The following VTI1A variants were observed in gnomAD, a reference collection of about 807,000 sequenced individuals.
VTI1A encodes the protein vesicle transport through interaction with t-SNAREs homolog 1A.
Under a neutral mutation model 34.9 loss-of-function variants are expected in VTI1A, and 22 were observed. That is an observed-to-expected ratio of 0.63 (90% CI 0.45 to 0.90). VTI1A has a LOEUF of 0.90. Ranked by LOEUF, VTI1A falls within the 40% of genes least tolerant of loss-of-function variation. VTI1A has a pLI of 0.00. For synonymous variants in VTI1A, 87 were observed against 97.3 expected, an observed-to-expected ratio of 0.89 and a Z score of 0.62; for missense variants, 268 against 275.6, an observed-to-expected ratio of 0.97 and a Z score of 0.20.
chr10:112,486,226 G>T (rs543799538), intron 3 of VTI1A, among the ~76,000 whole-genome samples: 3 of 152,300 alleles, frequency 2.0e-5, no homozygotes, highest in Admixed American at 6.5e-5. Flanking sequence ...ACTGGAAAGA[G>T]CACTGAACTT....
chr10:112,572,249 C>T (rs1298435336), intron 5 of VTI1A, among the ~76,000 whole-genome samples: 1 of 152,200 alleles, frequency 6.6e-6, no homozygotes, highest in African/African-American at 2.4e-5. Flanking sequence ...CTCTCTATCC[C>T]TTCATCATCA....
intron 5 of VTI1A, among the ~76,000 whole-genome samples, chr10:112,593,671 A>G (rs1844487489): frequency 1.3e-5 from 2 of 152,234 alleles, no homozygotes; most frequent in African/African-American, 2.4e-5. Context: ...ACCAGGCGTC[A>G]TAGGCTAGCA....
Position 112,618,524 on chromosome 10 carries a change from T to TAGAGAGAGAGAGAGAGAG in VTI1A, c.428-49687_428-49670dup, listed in dbSNP as rs6144094. ...ATATATATATATATATATATATATA[T>TAGAGAGAGAGAGAGAGAG]AGAGAGAGAGAGAGAGAGAGAGAGT... is the stretch of plus-strand genomic sequence containing the variant. On this transcript the variant is annotated intron_variant, in intron 5 of 7. Transcript: ENST00000393077. 4.8e-3 allele frequency among the ~76,000 whole-genome samples: 166 copies of TAGAGAGAGAGAGAGAGAG among 34,546 alleles called. 6 individuals are homozygous for TAGAGAGAGAGAGAGAGAG. The highest frequency in any genetic ancestry group is 0.011 in the African/African-American group (70 of 6,140). The allele number at this position is 34,546 out of a possible 152,430, so 22.7% of individuals were successfully genotyped here.
chr10:112,750,797 C>T (rs1422083713), intron 7 of VTI1A, among the ~76,000 whole-genome samples: 1 of 152,110 alleles, frequency 6.6e-6, no homozygotes, highest in Non-Finnish European at 1.5e-5. Context: ...ATAATTTGTG[C>T]TTAGGAATGC....
intron 7 of VTI1A, among the ~76,000 whole-genome samples, chr10:112,686,343 A>C (rs1848412162): frequency 6.6e-6 from 1 of 152,170 alleles, no homozygotes; most frequent in South Asian, 2.1e-4. Flanking sequence ...TATTTTCTTC[A>C]TTCAAATGTA....
intron 5 of VTI1A, among the ~76,000 whole-genome samples, chr10:112,586,142 TC>T (rs1196795485): frequency 1.3e-5 from 2 of 151,236 alleles, no homozygotes; most frequent in African/African-American, 4.9e-5. Flanking sequence ...TTTTTTTTTT[TC>T]CTTCTAAATT....
chr10:112,814,811 C>T (rs1853451947), intron 7 of VTI1A, among the ~76,000 whole-genome samples: 1 of 152,142 alleles, frequency 6.6e-6, no homozygotes, highest in African/African-American at 2.4e-5. Context: ...TCCTTTTCTT[C>T]CTTAGTCTCT....
intron 7 of VTI1A, among the ~76,000 whole-genome samples, chr10:112,760,713 AC>A (rs1431919945): frequency 1.3e-5 from 2 of 152,032 alleles, no homozygotes; most frequent in Non-Finnish European, 2.9e-5. Context: ...ACATGGTGAA[AC>A]CCCATCTCTA....
chr10:112,486,938 A>G (rs1191268487), intron 3 of VTI1A, among the ~76,000 whole-genome samples: 2 of 151,902 alleles, frequency 1.3e-5, no homozygotes, highest in Admixed American at 6.6e-5. Context: ...TCTTTACCGC[A>G]GTGCATTGTG....
chr10:112,592,978 G>A (rs1383526108), intron 5 of VTI1A, among the ~76,000 whole-genome samples: 1 of 152,164 alleles, frequency 6.6e-6, no homozygotes, highest in African/African-American at 2.4e-5. Context: ...AGAAGGAAAG[G>A]AACAATTGAG....
chr10:112,479,929 A>G (rs562118879), intron 3 of VTI1A, among the ~76,000 whole-genome samples: 2 of 152,170 alleles, frequency 1.3e-5, no homozygotes, highest in African/African-American at 4.8e-5. Context: ...AGTTTATTTC[A>G]GTGGGATGAC....
Position 112,816,269 on chromosome 10 carries a change from G to C in VTI1A, c.*886G>C, listed in dbSNP as rs1355615069. On this transcript the variant is annotated 3_prime_UTR_variant, in exon 8 of 8. Coordinates refer to ENST00000393077, the MANE Select transcript of VTI1A (RefSeq NM_145206.4). ...CAAGGTTCTCTCCACATACATTCCA[G>C]TATGTAAAGAGACCATGAATATTTC... The C allele has an allele frequency of 1.9e-5, 4 of 214,962 alleles. No individual in the cohort carries two copies. Among genetic ancestry groups the C allele is most frequent in the Non-Finnish European group, 3.8e-5 (4 of 106,508 alleles). 13.3% of individuals were successfully genotyped at this position (214,962 alleles called of 1,614,324 possible). A position where few individuals can be genotyped will look rare whatever the true frequency, so the allele number is the denominator to read the frequency against.
At chr10:112,832,041 G>A in the VTI1A span, 1 of 152,142 alleles carries the variant, frequency 6.6e-6, no homozygotes, top group Admixed American at 6.6e-5. Context: ...ATTTAAGGAG[G>A]AGGAGAGAAA....
chr10:112,804,723 G>GAGTTCCAAAC (rs1853005406), intron 7 of VTI1A, among the ~76,000 whole-genome samples: 1 of 152,110 alleles, frequency 6.6e-6, no homozygotes, highest in Admixed American at 6.6e-5. Flanking sequence ...ATAGGGCAGG[G>GAGTTCCAAAC]ACTCTGTGTT....
intron 7 of VTI1A, among the ~76,000 whole-genome samples, chr10:112,709,556 G>T (rs989183057): frequency 1.3e-5 from 2 of 151,736 alleles, no homozygotes; most frequent in Non-Finnish European, 2.9e-5. Context: ...CTCCTGCCTG[G>T]ACATTTACCT....
rs1330944414 is a variant in VTI1A, at chr10:112,551,945, A to G, written c.427+13615A>G. ...CTTGAAAGTGATAACACTTATTTTT[A>G]AAACATTTTCCATCAAACTTTTTAT... On this transcript the variant is annotated intron_variant, in intron 5 of 7. Coordinates refer to ENST00000393077, the MANE Select transcript of VTI1A (RefSeq NM_145206.4). Among the ~76,000 whole-genome samples, 4 of 152,302 alleles carry G rather than the reference A, an allele frequency of 2.6e-5. No homozygotes were observed. The East Asian group carries it at 7.7e-4, about 29-fold the overall frequency.
intron 7 of VTI1A, among the ~76,000 whole-genome samples, chr10:112,696,318 T>C (rs1290500247): frequency 1.3e-5 from 2 of 152,190 alleles, no homozygotes; most frequent in Non-Finnish European, 2.9e-5. Context: ...CTCTTCTTTA[T>C]AGATTTTCTC....
chr10:112,754,873 C>T (rs1246816419), intron 7 of VTI1A, among the ~76,000 whole-genome samples: 2 of 152,170 alleles, frequency 1.3e-5, no homozygotes, highest in Non-Finnish European at 2.9e-5. Context: ...ATATATTCCT[C>T]AATGATGACA....
In VTI1A at chr10:112,528,902, G is replaced by T. The variant is rs11195985; in HGVS notation, c.342+1738G>T. 5.1e-4 allele frequency among the ~76,000 whole-genome samples: 77 copies of T among 152,072 alleles called. 1 individual carries two copies. The East Asian group carries it at 0.013, about 26-fold the overall frequency. On this transcript the variant is annotated intron_variant, in intron 4 of 7. Transcript: ENST00000393077. ...TCAAACGTGTTCACTTCTCTTAATG[G>T]ACATTTTATATGCCTAAAACATTTG...
Sources: allele counts gnomAD v4.1 joint callset (sites outside exome capture counted in the v4.1 genomes callset), GRCh38; gene constraint gnomAD v4.1.1; transcripts MANE v1.5; gene names NCBI Gene and HGNC (gene_info 2026-07-23, HGNC 2026-07-21).